Variants in FCHO2 observed in about 807,000 individuals in gnomAD.
FCHO2 encodes the protein F-BAR domain only protein 2.
A neutral mutation model predicts 114.1 loss-of-function variants in FCHO2; 43 were observed. That is an observed-to-expected ratio of 0.38 (90% CI 0.30 to 0.49). The LOEUF is 0.49. Ranked by LOEUF, FCHO2 falls within the 20% of genes least tolerant of loss-of-function variation. The pLI, the probability that FCHO2 is intolerant of heterozygous loss-of-function variation, is 0.97. For synonymous variants in FCHO2, 293 were observed against 315.2 expected (o/e 0.93, Z 0.75); for missense variants, 807 against 950.4 (o/e 0.85, Z 1.98).
At chr5:73,082,313 G>A (rs937011805) in intron 23 of FCHO2, among the ~76,000 whole-genome samples, 11 of 143,962 alleles carry the variant, frequency 7.6e-5, no homozygotes, top group Admixed American at 3.6e-4. Context: ...ATTAAATATA[G>A]CATCTGGCAA....
chr5:72,979,378 CTTTTTTTT>C (rs60234739), intron 2 of FCHO2, among the ~76,000 whole-genome samples: 270 of 49,768 alleles, frequency 5.4e-3, no homozygotes, highest in Non-Finnish European at 6.8e-3. Context: ...TTATCAATTT[CTTTTTTTT>C]TTTTTTTTTT....
At chr5:73,073,395 G>A (rs1742754017) in intron 19 of FCHO2, among the ~76,000 whole-genome samples, 2 of 151,976 alleles carry the variant, frequency 1.3e-5, no homozygotes, top group South Asian at 2.1e-4. Flanking sequence ...CCTCATCTTT[G>A]TGTCTTTTTG....
chr5:73,022,572 G>A (rs542619138), intron 8 of FCHO2, among the ~76,000 whole-genome samples: 7 of 152,258 alleles, frequency 4.6e-5, no homozygotes, highest in Admixed American at 3.3e-4. Context: ...CATTGCATTC[G>A]TCCCCGGAGG....
chr5:73,014,502 C>G (rs1398857852), intron 6 of FCHO2, among the ~76,000 whole-genome samples: 3 of 151,832 alleles, frequency 2.0e-5, no homozygotes, highest in Admixed American at 1.3e-4. Context: ...GTTTGTCAGG[C>G]TGATCTCAAA....
chr5:73,039,510 T>C (rs901019492), intron 10 of FCHO2, among the ~76,000 whole-genome samples: 3 of 152,254 alleles, frequency 2.0e-5, no homozygotes, highest in African/African-American at 7.2e-5. Context: ...ATTATTATTA[T>C]GCCTTTTCTG....
chr5:73,063,807 A>AT (rs1561488112), intron 17 of FCHO2, 34 bp from the exon 18 acceptor site: 3 of 1,573,024 alleles, frequency 1.9e-6, no homozygotes, highest in Non-Finnish European at 2.6e-6. Flanking sequence ...CATACTAATG[A>AT]TTTTCTTCAA....
chr5:73,037,084 G>A, intron 9 of FCHO2, 59 bp from the exon 10 acceptor site: 1 of 1,216,826 alleles, frequency 8.2e-7, no homozygotes, highest in South Asian at 1.5e-5. Context: ...GTATCCATAA[G>A]TTTAATATGT....
chr5:73,055,985 T>G, intron 15 of FCHO2, 80 bp from the exon 16 acceptor site: 1 of 911,158 alleles, frequency 1.1e-6, no homozygotes, highest in South Asian at 1.7e-5. Context: ...TGTTGAGATA[T>G]GTGTATAGAG....
At chr5:73,052,074 C>A (rs1757364354) in intron 12 of FCHO2, among the ~76,000 whole-genome samples, 1 of 152,004 alleles carries the variant, frequency 6.6e-6, no homozygotes, top group African/African-American at 2.4e-5. Context: ...CAGGTGCATG[C>A]CACCATGCCG....
At chr5:73,010,191 A>G (rs892734597) in intron 6 of FCHO2, among the ~76,000 whole-genome samples, 15 of 152,188 alleles carry the variant, frequency 9.9e-5, no homozygotes, top group African/African-American at 3.6e-4. Context: ...GGTAGGACCT[A>G]TATTTACTAG....
Position 72,997,315 on chromosome 5 carries a change from G to C in FCHO2, c.495+6451G>C, listed in dbSNP as rs557427498. The C allele has an allele frequency of 2.5e-3, 3,929 of 1,565,982 alleles. 113 individuals carry two copies. The South Asian group carries it at 0.042, about 17-fold the overall frequency. On this transcript the variant is annotated intron_variant, in intron 5 of 25. Coordinates refer to ENST00000430046, the MANE Select transcript of FCHO2 (RefSeq NM_138782.3). ...TGGTAGTGTTTATAGCAAGCATGGA[G>C]ATCTATGGCTCTGCTGTGGCAGATA...
At chr5:73,083,892 CAAAAAAAA>C (rs765390330) in intron 24 of FCHO2, among the ~76,000 whole-genome samples, 1 of 79,296 alleles carries the variant, frequency 1.3e-5, no homozygotes, top group East Asian at 3.4e-4. Flanking sequence ...GACTCTGTCT[CAAAAAAAA>C]AAAAAAAAAA....
chr5:73,082,989 T>C (rs1354949137), intron 24 of FCHO2, among the ~76,000 whole-genome samples, 164 bp downstream of exon 24: 1 of 151,980 alleles, frequency 6.6e-6, no homozygotes, highest in Non-Finnish European at 1.5e-5. Context: ...TTCTCCTGCC[T>C]CAGACTCCTG....
At chr5:73,058,056 G>T (rs1355696574) in intron 16 of FCHO2, among the ~76,000 whole-genome samples, 1 of 151,980 alleles carries the variant, frequency 6.6e-6, no homozygotes, top group Non-Finnish European at 1.5e-5. Flanking sequence ...TGTTACCCAG[G>T]CTGGAGTACA....
intron 8 of FCHO2, among the ~76,000 whole-genome samples, chr5:73,031,139 A>G (rs973818073): frequency 1.3e-5 from 2 of 152,200 alleles, no homozygotes; most frequent in African/African-American, 2.4e-5. Context: ...TGCCTGGCCT[A>G]TCATCCCAGG....
At chr5:72,997,674 G>A (rs1754197422) in intron 5 of FCHO2, 18 of 1,549,448 alleles carry the variant, frequency 1.2e-5, no homozygotes, top group Non-Finnish European at 1.6e-5. Flanking sequence ...CTGAGTTGGG[G>A]TTGGGGGAAA....
intron 6 of FCHO2, among the ~76,000 whole-genome samples, chr5:73,013,457 C>T (rs1755127550): frequency 6.6e-6 from 1 of 152,066 alleles, no homozygotes; most frequent in Admixed American, 6.5e-5. Context: ...AATAGATAAC[C>T]AGGTTTGTAC....
intron 5 of FCHO2, among the ~76,000 whole-genome samples, chr5:73,001,799 C>T (rs1017143794): frequency 2.6e-5 from 4 of 151,218 alleles, no homozygotes; most frequent in African/African-American, 7.3e-5. Context: ...ATTAGCCAGG[C>T]GTAGTGGCAT....
intron 11 of FCHO2, among the ~76,000 whole-genome samples, chr5:73,047,620 T>A (rs1451262181): frequency 1.3e-5 from 2 of 151,900 alleles, no homozygotes; most frequent in Non-Finnish European, 2.9e-5. Flanking sequence ...CTTGCAGGAT[T>A]GGTTCTAGAA....
Sources: allele counts gnomAD v4.1 joint callset (sites outside exome capture counted in the v4.1 genomes callset), GRCh38; gene constraint gnomAD v4.1.1; transcripts MANE v1.5; gene names NCBI Gene and HGNC (gene_info 2026-07-23, HGNC 2026-07-21).